Variants in CCDC85C observed in about 807,000 individuals in gnomAD.
CCDC85C encodes coiled-coil domain-containing protein 85C.
CCDC85C carries 18 observed loss-of-function variants against 38.3 expected under a neutral mutation model. That is an observed-to-expected ratio of 0.47 (90% confidence interval 0.33 to 0.70). The LOEUF is 0.70. Among genes scored for constraint, CCDC85C ranks in the 30% least tolerant of loss-of-function variants. The probability of loss-of-function intolerance (pLI) is 0.03; values close to 1 mark genes in which losing one functional copy is unlikely to be tolerated. For synonymous variants in CCDC85C, 264 were observed against 293.8 expected (o/e 0.90, Z 1.04); for missense variants, 566 against 621.2 (o/e 0.91, Z 0.94).
At position 99,501,568 on chromosome 14, in the gene CCDC85C, G is replaced by T; in HGVS notation, c.*13678C>A. The stretch of plus-strand genomic sequence containing the variant: ...TGGCAAAGCTGGGGCTGACGTCCAG[G>T]TCATCTGCTTCCCGGCAGAGGGTTT... On this transcript the variant is annotated 3_prime_UTR_variant, in exon 6 of 6. Transcript: ENST00000380243. 1.7e-6 allele frequency: 1 copy of T among 598,756 alleles called. No homozygotes were observed. The highest frequency in any genetic ancestry group is 2.9e-6 in the Non-Finnish European group (1 of 340,726). The allele number at this position is 598,756 out of a possible 1,614,324, so 37.1% of individuals were successfully genotyped here. A position where few individuals can be genotyped will look rare whatever the true frequency, so the allele number is the denominator to read the frequency against.
intron 1 of CCDC85C, among the ~76,000 whole-genome samples, chr14:99,599,367 C>G (rs941635084): frequency 6.6e-6 from 1 of 152,092 alleles, no homozygotes; most frequent in Admixed American, 6.5e-5. Flanking sequence ...GAAGGAAATG[C>G]CTGGCAATGG....
At chr14:99,523,407 GC>G (rs1353520261) in intron 2 of CCDC85C, among the ~76,000 whole-genome samples, 1 of 152,174 alleles carries the variant, frequency 6.6e-6, no homozygotes, top group Non-Finnish European at 1.5e-5. Context: ...CCCCATCAGA[GC>G]CCTGGCCAGG....
chr14:99,592,225 T>G (rs116067626), intron 1 of CCDC85C, among the ~76,000 whole-genome samples: 1 of 152,138 alleles, frequency 6.6e-6, no homozygotes, highest in Non-Finnish European at 1.5e-5. Context: ...TGAAAGTGAA[T>G]TGAAGCAGCT....
Position 99,510,435 on chromosome 14 carries a change from G to C in CCDC85C, c.*4811C>G. 6.5e-7 allele frequency: 1 copy of C among 1,531,174 alleles called. No homozygotes were observed. Among genetic ancestry groups the C allele is most frequent in the Non-Finnish European group, 8.8e-7 (1 of 1,140,680 alleles). The allele number at this position is 1,531,174 out of a possible 1,614,324, so 94.8% of individuals were successfully genotyped here. ...CTACGGTGCCCTGCCCCCCGCCTACGGCCCACCTGCACACCTGCCCTACCA... is the reference window on the plus strand; with the variant it reads ...CTACGGTGCCCTGCCCCCCGCCTACCGCCCACCTGCACACCTGCCCTACCA... On this transcript the variant is annotated 3_prime_UTR_variant, in exon 6 of 6. Coordinates refer to ENST00000380243, the MANE Select transcript of CCDC85C (RefSeq NM_001144995.2).
chr14:99,524,147 AAG>A (rs959243177), intron 2 of CCDC85C, among the ~76,000 whole-genome samples: 1 of 131,796 alleles, frequency 7.6e-6, no homozygotes, highest in East Asian at 2.4e-4. Flanking sequence ...CTGCAACAGT[AAG>A]AGAGTTACAA....
At chr14:99,530,581 G>A (rs960423486) in intron 2 of CCDC85C, among the ~76,000 whole-genome samples, 2 of 152,204 alleles carry the variant, frequency 1.3e-5, no homozygotes, top group East Asian at 1.9e-4. Flanking sequence ...CCTCTTCCCC[G>A]CCCCTTGAAG....
At position 99,563,315 on chromosome 14, in the gene CCDC85C, T is replaced by C. The variant is rs76849667; in HGVS notation, c.794-27227A>G. 6.6e-3 allele frequency among the ~76,000 whole-genome samples: 1,008 copies of C among 152,374 alleles called. 7 individuals are homozygous for C. Among genetic ancestry groups the C allele is most frequent in the African/African-American group, 0.023 (957 of 41,600 alleles). Reference sequence around the variant, plus strand: ...GTTCCATCCTTTGTATGGTCAACAATAGCCCCGCCAGATGGCGCGGTGCAG... The same window carrying C: ...GTTCCATCCTTTGTATGGTCAACAACAGCCCCGCCAGATGGCGCGGTGCAG... On this transcript the variant is annotated intron_variant, in intron 1 of 5. Transcript: ENST00000380243.
rs910254590 is a variant in CCDC85C at position 99,504,841 on chromosome 14, T to A, written c.*10405A>T. On this transcript the variant is annotated 3_prime_UTR_variant, in exon 6 of 6. Transcript: ENST00000380243. ...CACTCCATGCCACATGAAATGCAAT[T>A]GAGTTGACGTGCAGGTCTGTCAGAG... 2 of 152,194 alleles carry A rather than the reference T, an allele frequency of 1.3e-5. No homozygotes were observed. The highest frequency in any genetic ancestry group is 6.5e-5 in the Admixed American group (1 of 15,274). The allele number at this position is 152,194 out of a possible 1,614,324, so 9.4% of individuals were successfully genotyped here.
intron 1 of CCDC85C, among the ~76,000 whole-genome samples, chr14:99,554,215 C>T (rs192060593): frequency 1.8e-4 from 27 of 152,312 alleles, no homozygotes; most frequent in Admixed American, 1.2e-3. Flanking sequence ...TCCCAGCACA[C>T]GAGCTCCCCC....
intron 1 of CCDC85C, among the ~76,000 whole-genome samples, chr14:99,583,638 C>G (rs2054997738): frequency 6.6e-6 from 1 of 151,538 alleles, no homozygotes; most frequent in Non-Finnish European, 1.5e-5. Context: ...AACCACGTCT[C>G]TACTAAAAAA....
intron 1 of CCDC85C, among the ~76,000 whole-genome samples, chr14:99,552,670 G>A (rs543283863): frequency 5.4e-4 from 82 of 152,338 alleles, no homozygotes; most frequent in Admixed American, 4.4e-3. Context: ...CCTCCACCCA[G>A]GCCCTCCCCA....
intron 1 of CCDC85C, among the ~76,000 whole-genome samples, chr14:99,598,251 C>G (rs1164691285): frequency 6.6e-6 from 1 of 152,240 alleles, no homozygotes; most frequent in African/African-American, 2.4e-5. Context: ...CCCATGGAGG[C>G]TCAGGAACTT....
Position 99,548,259 on chromosome 14 carries a change from G to A in CCDC85C, c.794-12171C>T, listed in dbSNP as rs1897843214. 6.6e-6 allele frequency among the ~76,000 whole-genome samples: 1 copy of A among 152,096 alleles called. No individual in the cohort carries two copies. Among genetic ancestry groups the A allele is most frequent in the Non-Finnish European group, 1.5e-5 (1 of 68,026 alleles). ...AAGGGGCAGAGGTATAGGAAGAGGA[G>A]AGCCACAAAAGACGAATCCTGGATA... On this transcript the variant is annotated intron_variant, in intron 1 of 5. Coordinates refer to ENST00000380243, the MANE Select transcript of CCDC85C (RefSeq NM_001144995.2). This position sits in a 1 kb window ranked among gnomAD's most constrained non-coding sequence, Gnocchi z 4.9.
chr14:99,502,628 T>G lies in CCDC85C; in HGVS notation c.*12618A>C, dbSNP rs1277142969. The stretch of plus-strand genomic sequence containing the variant: ...GTAAATGTGATTCATGCTTAGGTCC[T>G]CGTAGGGGTATCATAACTGATTCTT... On this transcript the variant is annotated 3_prime_UTR_variant, in exon 6 of 6. Coordinates refer to ENST00000380243, the MANE Select transcript of CCDC85C (RefSeq NM_001144995.2). The G allele has an allele frequency of 1.2e-5, 16 of 1,300,374 alleles. No individual in the cohort carries two copies. Among genetic ancestry groups the G allele is most frequent in the Non-Finnish European group, 1.5e-5 (14 of 923,950 alleles). 80.6% of individuals were successfully genotyped at this position (1,300,374 alleles called of 1,614,324 possible). A position where few individuals can be genotyped will look rare whatever the true frequency, so the allele number is the denominator to read the frequency against.
chr14:99,526,462 C>T (rs1897385523), intron 2 of CCDC85C, among the ~76,000 whole-genome samples: 1 of 152,242 alleles, frequency 6.6e-6, no homozygotes, highest in Non-Finnish European at 1.5e-5. Flanking sequence ...TTCCAGTTCA[C>T]ATTTCCCACC....
intron 1 of CCDC85C, among the ~76,000 whole-genome samples, chr14:99,585,023 A>G (rs1333040040): frequency 3.9e-5 from 6 of 152,184 alleles, no homozygotes; most frequent in African/African-American, 1.4e-4. Context: ...TGAGCCAGGG[A>G]GATGGAGGCT....
rs568262494 is a variant in CCDC85C, at chr14:99,569,607, A to G, written c.794-33519T>C. Among the ~76,000 whole-genome samples the G allele has an allele frequency of 1.3e-5, 2 of 152,334 alleles. No homozygotes were observed. Among genetic ancestry groups the G allele is most frequent in the South Asian group, 4.1e-4 (2 of 4,832 alleles). On this transcript the variant is annotated intron_variant, in intron 1 of 5. Coordinates refer to ENST00000380243, the MANE Select transcript of CCDC85C (RefSeq NM_001144995.2). This position sits in a 1 kb window ranked among gnomAD's most constrained non-coding sequence, Gnocchi z 4.3. ...AGGCCAAAAAGCCAGGACACTCCAGAGCCAAGAGCTGAACCCAGGCACATC... is the reference window on the plus strand; with the variant it reads ...AGGCCAAAAAGCCAGGACACTCCAGGGCCAAGAGCTGAACCCAGGCACATC...
intron 2 of CCDC85C, among the ~76,000 whole-genome samples, chr14:99,527,054 C>A (rs1897399277): frequency 1.3e-5 from 2 of 152,186 alleles, no homozygotes; most frequent in South Asian, 4.1e-4. Flanking sequence ...CAGGGCTGTG[C>A]AGCGTAGCAC....
intron 1 of CCDC85C, among the ~76,000 whole-genome samples, chr14:99,597,059 G>GCT (rs2055150656): frequency 6.6e-6 from 1 of 152,122 alleles, no homozygotes; most frequent in African/African-American, 2.4e-5. Context: ...CCTACAGAAG[G>GCT]CTCTCTCCTG....
Sources: allele counts gnomAD v4.1 joint callset (sites outside exome capture counted in the v4.1 genomes callset), GRCh38; gene constraint gnomAD v4.1.1; non-coding constraint Gnocchi (gnomAD v3.1); transcripts MANE v1.5; gene names NCBI Gene and HGNC (gene_info 2026-07-23, HGNC 2026-07-21).